TMEM203: variants seen among roughly 807,000 people sequenced by gnomAD.
The protein encoded by TMEM203 is HBeAg-binding protein 1.
TMEM203 carries 4 observed loss-of-function variants against 7.9 expected under a neutral mutation model. That is an observed-to-expected ratio of 0.51 (90% CI 0.25 to 1.16). The LOEUF (loss-of-function observed/expected upper bound fraction) is 1.16. Among genes scored for constraint, TMEM203 ranks in the 50% most tolerant of loss-of-function variants. The pLI is 0.15. For missense variants in TMEM203, 127 were observed against 174.4 expected (o/e 0.73, Z 1.53); for synonymous variants, 92 against 82.5 (o/e 1.11, Z -0.62).
Position 137,205,436 on chromosome 9 carries a change from G to C in TMEM203, c.-22C>G. On this transcript the variant is annotated 5_prime_UTR_variant, in exon 1 of 1. Transcript: ENST00000343666. ...GCATCGCGCCCGTTGAGCGCGGGCC[G>C]GGGCCCGGCCGAGCGTGCCACCCGC... The C allele has an allele frequency of 1.3e-6, 2 of 1,501,382 alleles. No homozygotes were observed. Among genetic ancestry groups the C allele is most frequent in the Middle Eastern group, 2.4e-4 (1 of 4,198 alleles). 93.0% of individuals were successfully genotyped at this position (1,501,382 alleles called of 1,614,324 possible).
At position 137,205,462 on chromosome 9, in the gene TMEM203, G is replaced by C. The variant is rs372508860; in HGVS notation, c.-48C>G. 2.1e-6 allele frequency: 3 copies of C among 1,450,834 alleles called. No individual in the cohort carries two copies. Among genetic ancestry groups the C allele is most frequent in the Non-Finnish European group, 2.7e-6 (3 of 1,098,998 alleles). The allele number at this position is 1,450,834 out of a possible 1,614,324, so 89.9% of individuals were successfully genotyped here. A position where few individuals can be genotyped will look rare whatever the true frequency, so the allele number is the denominator to read the frequency against. ...GGGCCCGGCCGAGCGTGCCACCCGCGGGGCTGCGTCTCCTCTCCCCGTGGC... is the reference window on the plus strand; with the variant it reads ...GGGCCCGGCCGAGCGTGCCACCCGCCGGGCTGCGTCTCCTCTCCCCGTGGC... On this transcript the variant is annotated 5_prime_UTR_variant, in exon 1 of 1. Coordinates refer to ENST00000343666, the MANE Select transcript of TMEM203 (RefSeq NM_053045.2).
Position 137,205,232 on chromosome 9 carries a change from G to A in TMEM203, c.183C>T (p.Thr61=), listed in dbSNP as rs138342310. 16 of 1,611,920 alleles carry A rather than the reference G, an allele frequency of 9.9e-6. No individual in the cohort carries two copies. Among genetic ancestry groups the A allele is most frequent in the African/African-American group, 1.3e-5 (1 of 74,918 alleles). The part of the protein sequence containing the change: ...VPFFAADGLS[T]YFTTIVSVRL... ...GCACGGACACGATGGTGGTGAAGTAGGTGCTGAGCCCGTCAGCGGCGAAGA... is the reference window on the plus strand; with the variant it reads ...GCACGGACACGATGGTGGTGAAGTAAGTGCTGAGCCCGTCAGCGGCGAAGA... Residue 61 remains threonine (T), a synonymous_variant, in exon 1 of 1, where the codon ACC becomes ACT. Coordinates refer to ENST00000343666, the MANE Select transcript of TMEM203 (RefSeq NM_053045.2).
At position 137,205,491 on chromosome 9, in the gene TMEM203, C is replaced by T; in HGVS notation, c.-77G>A. ...CTGCGTCTCCTCTCCCCGTGGCCCT[C>T]GCCCGCGCCTGCCGCCGCTGCTGCG... On this transcript the variant is annotated 5_prime_UTR_variant, in exon 1 of 1. Coordinates refer to ENST00000343666, the MANE Select transcript of TMEM203 (RefSeq NM_053045.2). 1.3e-5 allele frequency: 17 copies of T among 1,331,392 alleles called. No homozygotes were observed. The highest frequency in any genetic ancestry group is 1.6e-5 in the Non-Finnish European group (17 of 1,037,284). The allele number at this position is 1,331,392 out of a possible 1,614,324, so 82.5% of individuals were successfully genotyped here.
Position 137,205,646 on chromosome 9 carries a change from C to A in TMEM203, c.-232G>T. 1.4e-6 allele frequency: 2 copies of A among 1,467,772 alleles called. No individual in the cohort carries two copies. Among genetic ancestry groups the A allele is most frequent in the East Asian group, 2.3e-5 (1 of 43,018 alleles). 90.9% of individuals were successfully genotyped at this position (1,467,772 alleles called of 1,614,324 possible). On this transcript the variant is annotated 5_prime_UTR_variant, in exon 1 of 1. Transcript: ENST00000343666. ...CCGCCTCGATCGGACGCCATGCCCC[C>A]ACAGGGCGCGTCCCTAGTGCGTCAC...
rs368471825 is a variant in TMEM203, at chr9:137,204,905, A to G, written c.*99T>C. On this transcript the variant is annotated 3_prime_UTR_variant, in exon 1 of 1. Transcript: ENST00000343666. ...CTCGGCGCAAGCCGGCGGTGCCTTC[A>G]GACTAGAGAGCCTCTCCTCCGGTGC... is the stretch of plus-strand genomic sequence containing the variant. 1.2e-5 allele frequency: 18 copies of G among 1,457,288 alleles called. No homozygotes were observed. The East Asian group carries it at 3.4e-4, about 27-fold the overall frequency. 90.3% of individuals were successfully genotyped at this position (1,457,288 alleles called of 1,614,324 possible).
At position 137,204,908 on chromosome 9, in the gene TMEM203, C is replaced by T; in HGVS notation, c.*96G>A. 6.8e-7 allele frequency: 1 copy of T among 1,470,800 alleles called. No homozygotes were observed. The highest frequency in any genetic ancestry group is 9.0e-7 in the Non-Finnish European group (1 of 1,106,078). The allele number at this position is 1,470,800 out of a possible 1,614,324, so 91.1% of individuals were successfully genotyped here. On this transcript the variant is annotated 3_prime_UTR_variant, in exon 1 of 1. Transcript: ENST00000343666. ...GGCGCAAGCCGGCGGTGCCTTCAGA[C>T]TAGAGAGCCTCTCCTCCGGTGCGCT...
In TMEM203 at chr9:137,204,953, G is replaced by A. The variant is rs1448405687; in HGVS notation, c.*51C>T. 5 of 1,551,698 alleles carry A rather than the reference G, an allele frequency of 3.2e-6. No individual in the cohort carries two copies. The highest frequency in any genetic ancestry group is 4.4e-6 in the Non-Finnish European group (5 of 1,146,036). ...TGCGCTGCAAGTAGGGCCTCGGCTC[G>A]AGGTCAACATTCTAGTTGTCCAGCG... On this transcript the variant is annotated 3_prime_UTR_variant, in exon 1 of 1. Coordinates refer to ENST00000343666, the MANE Select transcript of TMEM203 (RefSeq NM_053045.2).
Position 137,205,112 on chromosome 9 carries a change from C to A in TMEM203, c.303G>T (p.Leu101Phe), listed in dbSNP as rs745427397. ...GAGTCTGCTCCGCCAGCTTCTGGCA[C>A]AACAGCATCTCGAAGACGAACTTGA... ...LSLKFVFEML[L>F]CQKLAEQTRE... The change falls in exon 1 of 1, where the codon TTG becomes TTT. Residue 101 changes from leucine to phenylalanine, a missense_variant. By Grantham distance (22) the Leu-to-Phe change is conservative (BLOSUM62 0). Transcript: ENST00000343666. 9.9e-6 allele frequency: 16 copies of A among 1,612,868 alleles called. No homozygotes were observed. In the East Asian group the frequency reaches 3.6e-4, roughly 36 times the overall value.
rs766671702 is a variant in TMEM203 at position 137,205,169 on chromosome 9, G to C, written c.246C>G (p.Leu82=). ...FQDGEKRLAV[L]RLFWVLTVLS... ...GGACCGTAAGTACCCAGAAAAGGCGGAGCACCGCCAGCCGCTTCTCTCCAT... is the reference window on the plus strand; with the variant it reads ...GGACCGTAAGTACCCAGAAAAGGCGCAGCACCGCCAGCCGCTTCTCTCCAT... Residue 82 remains leucine (L), a synonymous_variant, in exon 1 of 1, where the codon CTC becomes CTG. Coordinates refer to ENST00000343666, the MANE Select transcript of TMEM203 (RefSeq NM_053045.2). The C allele has an allele frequency of 6.2e-7, 1 of 1,612,560 alleles. No individual in the cohort carries two copies. Among genetic ancestry groups the C allele is most frequent in the East Asian group, 2.2e-5 (1 of 44,884 alleles).
rs978979655 is a variant in TMEM203, at chr9:137,205,632, G to A, written c.-218C>T. On this transcript the variant is annotated 5_prime_UTR_variant, in exon 1 of 1. Transcript: ENST00000343666. ...CCGCCCGTGAACGCCCGCCTCGATC[G>A]GACGCCATGCCCCCACAGGGCGCGT... 1 of 1,398,192 alleles carries A rather than the reference G, an allele frequency of 7.2e-7. No individual in the cohort carries two copies. The highest frequency in any genetic ancestry group is 9.7e-7 in the Non-Finnish European group (1 of 1,028,454). The allele number at this position is 1,398,192 out of a possible 1,614,324, so 86.6% of individuals were successfully genotyped here.
chr9:137,205,184 C>T lies in TMEM203; in HGVS notation c.231G>A (p.Lys77=), dbSNP rs755080825. The change falls in exon 1 of 1, where the codon AAG becomes AAA. Residue 77 remains lysine, a synonymous_variant. Coordinates refer to ENST00000343666, the MANE Select transcript of TMEM203 (RefSeq NM_053045.2). ...AGAAAAGGCGGAGCACCGCCAGCCG[C>T]TTCTCTCCATCCTGGAAGAGGCGCA... ...VSVRLFQDGE[K]RLAVLRLFWV... 5.0e-6 allele frequency: 8 copies of T among 1,612,840 alleles called. No individual in the cohort carries two copies. The Admixed American group carries it at 5.0e-5, about 10-fold the overall frequency.
Position 137,205,456 on chromosome 9 carries a change from A to AC in TMEM203, c.-43dup. On this transcript the variant is annotated 5_prime_UTR_variant, in exon 1 of 1. Transcript: ENST00000343666. ...GGGCCGGGGCCCGGCCGAGCGTGCC[A>AC]CCCGCGGGGCTGCGTCTCCTCTCCC... The AC allele has an allele frequency of 6.9e-7, 1 of 1,453,292 alleles. No homozygotes were observed. The highest frequency in any genetic ancestry group is 1.4e-5 in the South Asian group (1 of 70,890). 90.0% of individuals were successfully genotyped at this position (1,453,292 alleles called of 1,614,324 possible).
rs1292359669 is a variant in TMEM203 at position 137,205,631 on chromosome 9, C to A, written c.-217G>T. The A allele has an allele frequency of 1.2e-5, 16 of 1,390,368 alleles. No homozygotes were observed. The highest frequency in any genetic ancestry group is 1.6e-5 in the Non-Finnish European group (16 of 1,021,488). The allele number at this position is 1,390,368 out of a possible 1,614,324, so 86.1% of individuals were successfully genotyped here. ...GCCGCCCGTGAACGCCCGCCTCGAT[C>A]GGACGCCATGCCCCCACAGGGCGCG... On this transcript the variant is annotated 5_prime_UTR_variant, in exon 1 of 1. Transcript: ENST00000343666.
rs1406328916 is a variant in TMEM203 at position 137,205,309 on chromosome 9, G to A, written c.106C>T (p.Arg36Cys). Residue 36 changes from arginine to cysteine, a missense_variant, in exon 1 of 1, where the codon CGT (arginine) becomes TGT (cysteine). Physicochemically the swap from Arg to Cys is radical, Grantham distance 180. Transcript: ENST00000343666. ...LLVFSVLLAL[R>C]VDGLVPGLSW... is the part of the protein sequence containing the mutation. ...AGGCCCGGGACCAGGCCATCCACAC[G>A]CAGTGCCAGCAGCACAGAGAACACC... 2 of 1,610,916 alleles carry A rather than the reference G, an allele frequency of 1.2e-6. No homozygotes were observed. The highest frequency in any genetic ancestry group is 1.1e-5 in the South Asian group (1 of 90,826).
Position 137,205,608 on chromosome 9 carries a change from C to T in TMEM203, c.-194G>A. ...CCCCGACCCGGGACTCAACCCTGGCCGCCCGTGAACGCCCGCCTCGATCGG... is the reference window on the plus strand; with the variant it reads ...CCCCGACCCGGGACTCAACCCTGGCTGCCCGTGAACGCCCGCCTCGATCGG... On this transcript the variant is annotated 5_prime_UTR_variant, in exon 1 of 1. Coordinates refer to ENST00000343666, the MANE Select transcript of TMEM203 (RefSeq NM_053045.2). 2 of 1,282,912 alleles carry T rather than the reference C, an allele frequency of 1.6e-6. No individual in the cohort carries two copies. The highest frequency in any genetic ancestry group is 2.1e-6 in the Non-Finnish European group (2 of 942,480). 79.5% of individuals were successfully genotyped at this position (1,282,912 alleles called of 1,614,324 possible). A position where few individuals can be genotyped will look rare whatever the true frequency, so the allele number is the denominator to read the frequency against.
In TMEM203 at chr9:137,205,434, C is replaced by A. The variant is rs371230970; in HGVS notation, c.-20G>T. 5.9e-6 allele frequency: 9 copies of A among 1,514,228 alleles called. No homozygotes were observed. In the African/African-American group the frequency reaches 1.2e-4, roughly 21 times the overall value. 93.8% of individuals were successfully genotyped at this position (1,514,228 alleles called of 1,614,324 possible). On this transcript the variant is annotated 5_prime_UTR_variant, in exon 1 of 1. Coordinates refer to ENST00000343666, the MANE Select transcript of TMEM203 (RefSeq NM_053045.2). ...GAGCATCGCGCCCGTTGAGCGCGGG[C>A]CGGGGCCCGGCCGAGCGTGCCACCC... is the stretch of plus-strand genomic sequence containing the variant.
At position 137,205,591 on chromosome 9, in the gene TMEM203, C is replaced by T. The variant is rs1333948427; in HGVS notation, c.-177G>A. The T allele has an allele frequency of 8.1e-6, 10 of 1,234,264 alleles. No homozygotes were observed. In the South Asian group the frequency reaches 1.5e-4, roughly 19 times the overall value. The allele number at this position is 1,234,264 out of a possible 1,614,324, so 76.5% of individuals were successfully genotyped here. ...CGCCGGCAATCCCCCGGCCCCGACCCGGGACTCAACCCTGGCCGCCCGTGA... is the reference window on the plus strand; with the variant it reads ...CGCCGGCAATCCCCCGGCCCCGACCTGGGACTCAACCCTGGCCGCCCGTGA... On this transcript the variant is annotated 5_prime_UTR_variant, in exon 1 of 1. Transcript: ENST00000343666.
Position 137,204,426 on chromosome 9 carries a change from A to C in TMEM203, c.*578T>G, listed in dbSNP as rs573162764. ...CAGGACTCTAATCGTGCTCTTATTC[A>C]ACATTCTTCTGTCTCTGCCTAGACT... is the stretch of plus-strand genomic sequence containing the variant. On this transcript the variant is annotated 3_prime_UTR_variant, in exon 1 of 1. Coordinates refer to ENST00000343666, the MANE Select transcript of TMEM203 (RefSeq NM_053045.2). The C allele has an allele frequency of 7.2e-5, 11 of 152,676 alleles. No individual in the cohort carries two copies. Among genetic ancestry groups the C allele is most frequent in the Admixed American group, 5.9e-4 (9 of 15,330 alleles). 9.5% of individuals were successfully genotyped at this position (152,676 alleles called of 1,614,324 possible).
chr9:137,205,108 G>T lies in TMEM203; in HGVS notation c.307C>A (p.Gln103Lys), dbSNP rs1163672050. The T allele has an allele frequency of 1.2e-6, 2 of 1,612,964 alleles. No individual in the cohort carries two copies. Reference sequence around the variant, plus strand: ...TCCCGAGTCTGCTCCGCCAGCTTCTGGCACAACAGCATCTCGAAGACGAAC... The same window carrying T: ...TCCCGAGTCTGCTCCGCCAGCTTCTTGCACAACAGCATCTCGAAGACGAAC... ...LKFVFEMLLC[Q>K]KLAEQTRELW... Residue 103 changes from glutamine to lysine, a missense_variant, in exon 1 of 1, where the codon CAG becomes AAG. Physicochemically the swap from Gln to Lys is moderately conservative, Grantham distance 53. Transcript: ENST00000343666.
Sources: allele counts gnomAD v4.1 joint callset, GRCh38; gene constraint gnomAD v4.1.1; transcripts MANE v1.5; gene names NCBI Gene and HGNC (gene_info 2026-07-23, HGNC 2026-07-21).